The following TOX variants were observed in gnomAD, a reference collection of about 807,000 sequenced individuals.
TOX encodes the protein thymocyte selection associated high mobility group box, also known as thymocyte selection-associated high mobility group box protein TOX.
A neutral mutation model predicts 53.7 loss-of-function variants in TOX; 11 were observed. The observed-to-expected ratio is 0.20, with a 90% CI of 0.13 to 0.34. The LOEUF (loss-of-function observed/expected upper bound fraction) is 0.34. TOX is among the 10% of genes least tolerant of loss of function. The probability of loss-of-function intolerance (pLI) is 1.00; values close to 1 mark genes in which losing one functional copy is unlikely to be tolerated. For missense variants in TOX, 570 were observed against 664.6 expected (o/e 0.86, Z 1.56); for synonymous variants, 225 against 245.3 (o/e 0.92, Z 0.77).
intron 3 of TOX, among the ~76,000 whole-genome samples, chr8:58,904,337 A>T (rs1357779555): frequency 6.6e-6 from 1 of 151,908 alleles, no homozygotes; most frequent in Admixed American, 6.6e-5. Flanking sequence ...CTTCTATGTG[A>T]TACTAAAGCA....
chr8:59,082,489 G>A (rs1258988922), intron 1 of TOX, among the ~76,000 whole-genome samples: 2 of 152,212 alleles, frequency 1.3e-5, no homozygotes, highest in African/African-American at 2.4e-5. Context: ...TTATGGATAT[G>A]AATTTTAATT....
rs1310868791 is a variant in TOX, at chr8:58,808,227, T to C, written c.1435A>G (p.Thr479Ala). The change falls in exon 8 of 9, where the codon ACA becomes GCA. Residue 479 changes from threonine (T) to alanine (A), a missense_variant. By Grantham distance (58) the Thr-to-Ala change is moderately conservative. Around this residue, in one of 3 missense-constraint regions of TOX, gnomAD observed 239 missense variants for 250.7 expected, o/e 0.95. Transcript: ENST00000361421. ...QPDYQTIINP[T>A]STAAQVVTQA... ...GTGACAACTTGTGCAGCTGTAGATG[T>C]AGGATTGATAATAGTCTGATAGTCG... The C allele has an allele frequency of 6.2e-7, 1 of 1,613,998 alleles. No individual in the cohort carries two copies. The highest frequency in any genetic ancestry group is 1.1e-5 in the South Asian group (1 of 91,048).
At chr8:59,076,635 GCTAATTTTATGCTC>G (rs1331566185) in intron 1 of TOX, among the ~76,000 whole-genome samples, 6 of 151,990 alleles carry the variant, frequency 3.9e-5, no homozygotes, top group Admixed American at 2.0e-4. Flanking sequence ...TTTTTATGTT[GCTAATTTTATGCTC>G]CTAATTTTAT....
chr8:59,063,523 A>C (rs1804029484), intron 1 of TOX, among the ~76,000 whole-genome samples: 1 of 150,324 alleles, frequency 6.7e-6, no homozygotes, highest in South Asian at 2.1e-4. Context: ...TCCCGGGTTC[A>C]AGTGATTCTC....
chr8:58,859,992 C>A (rs1810980691), intron 3 of TOX, among the ~76,000 whole-genome samples: 2 of 152,214 alleles, frequency 1.3e-5, no homozygotes, highest in Admixed American at 1.3e-4. Context: ...CAGAACTCCA[C>A]TGCAATTGCT....
chr8:58,930,547 T>G (rs1238219451), intron 3 of TOX, among the ~76,000 whole-genome samples: 2 of 152,170 alleles, frequency 1.3e-5, no homozygotes, highest in South Asian at 2.1e-4. Flanking sequence ...TCTTGACACA[T>G]GAAGCACCAG....
At chr8:58,998,577 A>ATAATAAATTTATGTGTAATAAATTTATG (rs1813625943) in intron 1 of TOX, among the ~76,000 whole-genome samples, 1 of 70,372 alleles carries the variant, frequency 1.4e-5, no homozygotes, top group African/African-American at 6.8e-5. Context: ...AAATGTATAT[A>ATAATAAATTTATGTGTAATAAATTTATG]TAATAAATTT....
chr8:59,034,608 G>T (rs1410272521), intron 1 of TOX, among the ~76,000 whole-genome samples: 1 of 152,188 alleles, frequency 6.6e-6, no homozygotes, highest in Non-Finnish European at 1.5e-5. Flanking sequence ...AGCCCTGGAA[G>T]ACAGCTGAAG....
Position 58,942,691 on chromosome 8 carries a change from A to T in TOX, c.169-3147T>A, listed in dbSNP as rs548452772. 3.9e-4 allele frequency among the ~76,000 whole-genome samples: 60 copies of T among 152,312 alleles called. 1 individual carries two copies. The East Asian group carries it at 9.2e-3, about 23-fold the overall frequency. ...ACATGAGAGCTTTATTTTGATTTTT[A>T]AAAAATAAAGATACATTTAACTTAA... On this transcript the variant is annotated intron_variant, in intron 2 of 8. Coordinates refer to ENST00000361421, the MANE Select transcript of TOX (RefSeq NM_014729.3).
chr8:58,812,374 C>G (rs1810098895), intron 7 of TOX, among the ~76,000 whole-genome samples: 1 of 152,184 alleles, frequency 6.6e-6, no homozygotes, highest in African/African-American at 2.4e-5. Context: ...CTCCTTTCCA[C>G]TGGCCTCCTT....
chr8:59,071,101 A>G (rs1804191183), intron 1 of TOX, among the ~76,000 whole-genome samples: 1 of 152,192 alleles, frequency 6.6e-6, no homozygotes, highest in East Asian at 1.9e-4. Flanking sequence ...CTGCTTCTAC[A>G]ATAATCGTGA....
intron 1 of TOX, among the ~76,000 whole-genome samples, chr8:59,007,419 T>C (rs1467382448): frequency 6.6e-6 from 1 of 152,186 alleles, no homozygotes; most frequent in Non-Finnish European, 1.5e-5. Flanking sequence ...AGGCAATGTG[T>C]GTAACTTTCA....
chr8:59,113,592 C>T (rs1455881783), intron 1 of TOX, among the ~76,000 whole-genome samples: 2 of 152,032 alleles, frequency 1.3e-5, no homozygotes, highest in African/African-American at 2.4e-5. Context: ...GCCAGGCAGC[C>T]GAGGCAACCA....
chr8:59,056,386 C>T (rs1217584254), intron 1 of TOX, among the ~76,000 whole-genome samples: 5 of 124,242 alleles, frequency 4.0e-5, no homozygotes, highest in Admixed American at 1.1e-4. Flanking sequence ...GAGCTATGAT[C>T]GTGCCACTGC....
intron 3 of TOX, among the ~76,000 whole-genome samples, chr8:58,854,552 T>C (rs1281894697): frequency 6.6e-6 from 1 of 152,080 alleles, no homozygotes; most frequent in Non-Finnish European, 1.5e-5. Context: ...GGTGTGGCTA[T>C]GGAAGAGTAA....
intron 1 of TOX, among the ~76,000 whole-genome samples, chr8:59,044,680 G>A (rs937053894): frequency 1.3e-5 from 2 of 151,990 alleles, no homozygotes; most frequent in Non-Finnish European, 2.9e-5. Flanking sequence ...TAAAATAGAG[G>A]GTTTTAAGAT....
At chr8:59,004,227 G>A (rs762973477) in intron 1 of TOX, among the ~76,000 whole-genome samples, 6 of 152,104 alleles carry the variant, frequency 3.9e-5, no homozygotes, top group African/African-American at 7.2e-5. Context: ...ATAGTCATAC[G>A]GTCTCTGTGA....
chr8:58,951,098 T>C (rs747712186), intron 2 of TOX, among the ~76,000 whole-genome samples: 6 of 152,226 alleles, frequency 3.9e-5, no homozygotes, highest in Non-Finnish European at 7.3e-5. Context: ...GTCAACATTT[T>C]GTCCTTAAAG....
chr8:58,969,698 C>A (rs772923315), intron 1 of TOX, among the ~76,000 whole-genome samples: 2 of 152,032 alleles, frequency 1.3e-5, no homozygotes, highest in African/African-American at 2.4e-5. Context: ...CTTCTATCTC[C>A]TCTACACCGA....
Sources: gnomAD v4.1 joint callset for allele counts (sites outside exome capture counted in the v4.1 genomes callset) on GRCh38, gnomAD v4.1.1 for gene constraint, gnomAD v4.1.1 regional missense constraint, MANE v1.5 for transcripts, NCBI Gene and HGNC (gene_info 2026-07-23, HGNC 2026-07-21) for gene names.